The following CENPP variants were observed in gnomAD, a reference collection of about 807,000 sequenced individuals.
CENPP encodes centromere protein P.
A neutral mutation model predicts 35.6 loss-of-function variants in CENPP; 24 were observed. The observed-to-expected ratio is 0.67, with a 90% CI of 0.49 to 0.95. CENPP has a LOEUF of 0.95. Among genes scored for constraint, CENPP ranks in the 40% least tolerant of loss-of-function variants. CENPP has a pLI of 0.00. For synonymous variants in CENPP, 120 were observed against 125.5 expected (o/e 0.96, Z 0.29); for missense variants, 332 against 345.3 (o/e 0.96, Z 0.31).
At chr9:92,496,043 C>T (rs1053137170) in intron 5 of CENPP, 3 of 1,042,000 alleles carry the variant, frequency 2.9e-6, no homozygotes, top group Middle Eastern at 4.4e-4. Context: ...CTCTTCTGGT[C>T]TAGCTCAGTA....
chr9:92,334,793 T>C (rs1840870771), intron 2 of CENPP, among the ~76,000 whole-genome samples: 2 of 148,440 alleles, frequency 1.3e-5, no homozygotes, highest in African/African-American at 5.0e-5. Context: ...GGCAGGAGAA[T>C]GGCTTGAAGC....
At chr9:92,361,102 C>T in intron 4 of CENPP, among the ~76,000 whole-genome samples, 1 of 151,522 alleles carries the variant, frequency 6.6e-6, no homozygotes, top group South Asian at 2.1e-4. Flanking sequence ...CCCATAAATA[C>T]TTAAGTGTGT....
intron 5 of CENPP, chr9:92,457,008 T>C: frequency 8.7e-7 from 1 of 1,146,844 alleles, no homozygotes; most frequent in Non-Finnish European, 1.1e-6. Flanking sequence ...TCTTACTTTT[T>C]TGTTATGAAG....
At chr9:92,541,941 C>T (rs1849327989) in intron 5 of CENPP, among the ~76,000 whole-genome samples, 1 of 152,032 alleles carries the variant, frequency 6.6e-6, no homozygotes, top group African/African-American at 2.4e-5. Flanking sequence ...TTACAAGCAT[C>T]CGCCGCCGCA....
intron 2 of CENPP, 90 bp from the exon 3 acceptor site, chr9:92,337,451 T>G: frequency 2.7e-6 from 2 of 748,240 alleles, no homozygotes; most frequent in Non-Finnish European, 4.8e-6. Context: ...TATACCCACA[T>G]GTATTGTAGA....
rs1840773950 is a variant in CENPP, at chr9:92,332,261, C to G, written c.199C>G (p.Leu67Val). 1 of 1,612,626 alleles carries G rather than the reference C, an allele frequency of 6.2e-7. No individual in the cohort carries two copies. The highest frequency in any genetic ancestry group is 1.7e-5 in the Admixed American group (1 of 59,866). Residue 67 changes from leucine to valine, a missense_variant, in exon 2 of 8, where the codon CTT becomes GTT. By Grantham distance (32) the Leu-to-Val change is conservative. Coordinates refer to ENST00000375587, the MANE Select transcript of CENPP (RefSeq NM_001012267.3). Reference protein sequence around the residue: ...KNQLGHLESELSFLSTLTGIN... With the variant: ...KNQLGHLESEVSFLSTLTGIN... ...TCAGCTTGGACATTTAGAATCAGAA[C>G]TTTCATTTCTAAGTACGCTTACTGG...
rs77369560 is a variant in CENPP at position 92,433,525 on chromosome 9, G to C, written c.564+53666G>C. Among the ~76,000 whole-genome samples, 734 of 152,220 alleles carry C rather than the reference G, an allele frequency of 4.8e-3. 4 individuals are homozygous for C. Among genetic ancestry groups the C allele is most frequent in the African/African-American group, 0.015 (639 of 41,520 alleles). ...TAGGCAGAAAGATTACGTTCTACAA[G>C]TTAATAAGGGATTATATAATTTGAG... On this transcript the variant is annotated intron_variant, in intron 5 of 7. Coordinates refer to ENST00000375587, the MANE Select transcript of CENPP (RefSeq NM_001012267.3).
rs149196915 is a variant in CENPP, at chr9:92,519,948, C to T, written c.565-91366C>T. On this transcript the variant is annotated intron_variant, in intron 5 of 7. Transcript: ENST00000375587. ...TGATATCCAGAATATTCATAAAGAA[C>T]TCTTACAACTCAACTACAGAAAGGC... Among the ~76,000 whole-genome samples the T allele has an allele frequency of 1.8e-4, 27 of 150,984 alleles. No individual in the cohort carries two copies. In the East Asian group the frequency reaches 4.8e-3, roughly 27 times the overall value.
chr9:92,424,915 A>G (rs1047739280), intron 5 of CENPP, among the ~76,000 whole-genome samples: 6 of 152,024 alleles, frequency 3.9e-5, no homozygotes, highest in Non-Finnish European at 8.8e-5. Flanking sequence ...ACCTCAGGTG[A>G]TCCTCCCGCC....
intron 5 of CENPP, chr9:92,459,738 A>T (rs749211954): frequency 6.2e-7 from 1 of 1,613,588 alleles, no homozygotes; most frequent in African/African-American, 1.3e-5. Context: ...CCCATTTTCG[A>T]TATCTGTGAT....
At chr9:92,422,205 C>G (rs1843825896) in intron 5 of CENPP, among the ~76,000 whole-genome samples, 1 of 152,014 alleles carries the variant, frequency 6.6e-6, no homozygotes, top group Non-Finnish European at 1.5e-5. Flanking sequence ...CGTGCACCAC[C>G]ACGACTGGCT....
At chr9:92,541,679 T>C (rs947485148) in intron 5 of CENPP, among the ~76,000 whole-genome samples, 21 of 152,062 alleles carry the variant, frequency 1.4e-4, no homozygotes, top group African/African-American at 4.8e-4. Flanking sequence ...CATATATACA[T>C]TTTCTTTATT....
intron 5 of CENPP, among the ~76,000 whole-genome samples, chr9:92,438,256 T>A (rs1343702553): frequency 2.0e-5 from 3 of 152,278 alleles, no homozygotes; most frequent in Non-Finnish European, 2.9e-5. Flanking sequence ...CTGTTTTGAT[T>A]TAATTTTTGT....
intron 5 of CENPP, among the ~76,000 whole-genome samples, chr9:92,577,684 A>G (rs895327972): frequency 1.3e-5 from 2 of 152,162 alleles, no homozygotes; most frequent in African/African-American, 2.4e-5. Flanking sequence ...GCTGGGCATA[A>G]TGTTATGCCC....
In CENPP at chr9:92,612,611, C is replaced by T. The variant is rs747118703; in HGVS notation, c.733C>T (p.Arg245Ter). 5.6e-6 allele frequency: 9 copies of T among 1,613,078 alleles called. No individual in the cohort carries two copies. Among genetic ancestry groups the T allele is most frequent in the South Asian group, 2.2e-5 (2 of 91,072 alleles). Residue 245 changes from arginine to a stop codon, truncating the protein, a stop_gained, in exon 7 of 8, where the codon CGA becomes TGA. Transcript: ENST00000375587. LOFTEE classifies it low-confidence loss of function (END_TRUNC). ...KLDLLTKVPQ[R>*]ALELDKNRAI... ...GGATCTTCTCACCAAAGTCCCACAGCGAGGTAGGGCCCTGGGTGTGGCTGC... is the reference window on the plus strand; with the variant it reads ...GGATCTTCTCACCAAAGTCCCACAGTGAGGTAGGGCCCTGGGTGTGGCTGC...
At chr9:92,330,684 C>CTT (rs1305277053) in intron 1 of CENPP, among the ~76,000 whole-genome samples, 1 of 114,378 alleles carries the variant, frequency 8.7e-6, no homozygotes, top group African/African-American at 4.0e-5. Flanking sequence ...TTTTTCTTTT[C>CTT]TTTGTTTTTT....
intron 2 of CENPP, among the ~76,000 whole-genome samples, chr9:92,335,624 A>G (rs375943569): frequency 6.6e-6 from 1 of 151,518 alleles, no homozygotes; most frequent in Non-Finnish European, 1.5e-5. Flanking sequence ...TTGATCCAGC[A>G]CCTTTTGTTA....
intron 5 of CENPP, chr9:92,500,732 C>A: frequency 6.2e-7 from 1 of 1,608,066 alleles, no homozygotes; most frequent in East Asian, 2.2e-5. Context: ...TTTACCGTAT[C>A]TTGTTGTTGT....
intron 4 of CENPP, among the ~76,000 whole-genome samples, chr9:92,364,876 C>G (rs1841848240): frequency 6.6e-6 from 1 of 151,976 alleles, no homozygotes; most frequent in South Asian, 2.1e-4. Flanking sequence ...TAGTATTAGC[C>G]CCAGGTAACC....
Sources: gnomAD v4.1 joint callset for allele counts (sites outside exome capture counted in the v4.1 genomes callset) on GRCh38, gnomAD v4.1.1 for gene constraint, MANE v1.5 for transcripts, NCBI Gene and HGNC (gene_info 2026-07-23, HGNC 2026-07-21) for gene names.